Variants in STMN4 observed in about 807,000 individuals in gnomAD.
STMN4 encodes stathmin-4.
STMN4 carries 12 observed loss-of-function variants against 29.1 expected under a neutral mutation model. That is an observed-to-expected ratio of 0.41 (90% CI 0.26 to 0.67). The LOEUF is 0.67. Ranked by LOEUF, STMN4 falls within the 30% of genes least tolerant of loss-of-function variation. The pLI, the probability that STMN4 is intolerant of heterozygous loss-of-function variation, is 0.30. For synonymous variants in STMN4, 114 were observed against 105.3 expected, an observed-to-expected ratio of 1.08 and a Z score of -0.51; for missense variants, 181 against 262.8, an observed-to-expected ratio of 0.69 and a Z score of 2.15.
chr8:27,239,591 A>G lies in STMN4; in HGVS notation c.591+380T>C, dbSNP rs1801405522. The G allele has an allele frequency of 4.8e-6, 5 of 1,036,142 alleles. No homozygotes were observed. The Admixed American group carries it at 1.5e-4, about 31-fold the overall frequency. The allele number at this position is 1,036,142 out of a possible 1,614,324, so 64.2% of individuals were successfully genotyped here. On this transcript the variant is annotated intron_variant, in intron 6 of 6. Transcript: ENST00000350889. ...GTGACTTAGAGCCAAGAGCTCAAGA[A>G]AGCATCTTTCCTTCCATCAAATCAA...
At chr8:27,243,069 A>T (rs1801522065) in intron 2 of STMN4, among the ~76,000 whole-genome samples, 1 of 152,144 alleles carries the variant, frequency 6.6e-6, no homozygotes, top group South Asian at 2.1e-4. Context: ...GCTGGAGCAT[A>T]TCCCCGCCAC....
intron 2 of STMN4, 70 bp downstream of exon 2, chr8:27,243,641 C>T (rs1801540833): frequency 6.6e-7 from 1 of 1,520,768 alleles, no homozygotes; most frequent in Non-Finnish European, 9.1e-7. Context: ...TTCCCTGCTT[C>T]TGTGAGTCCA....
chr8:27,256,519 T>C (rs1238534826), intron 1 of STMN4, among the ~76,000 whole-genome samples: 1 of 152,210 alleles, frequency 6.6e-6, no homozygotes, highest in East Asian at 1.9e-4. Context: ...ACATTTTATA[T>C]TATGATCCAG....
intron 6 of STMN4, chr8:27,239,184 C>A (rs1801393980): frequency 2.7e-5 from 42 of 1,530,064 alleles, no homozygotes; most frequent in Non-Finnish European, 8.7e-7. Context: ...GCCTGAGACT[C>A]TAGGTGGATG....
chr8:27,242,358 C>G (rs751952262), intron 3 of STMN4, 39 bp downstream of exon 3: 2 of 1,603,046 alleles, frequency 1.2e-6, no homozygotes, highest in Admixed American at 1.7e-5. Flanking sequence ...GACACAGGGC[C>G]CCCCCGCCCC....
In STMN4 at chr8:27,239,384, C is replaced by T; in HGVS notation, c.591+587G>A. 2.3e-6 allele frequency: 3 copies of T among 1,308,480 alleles called. No homozygotes were observed. The Admixed American group carries it at 6.6e-5, about 29-fold the overall frequency. The allele number at this position is 1,308,480 out of a possible 1,614,324, so 81.1% of individuals were successfully genotyped here. ...GCCAGCGTGTTCTCAGCAGAACGGG[C>T]CGGTATTCTGCTGACACACAGAACC... On this transcript the variant is annotated intron_variant, in intron 6 of 6. Coordinates refer to ENST00000350889, the MANE Select transcript of STMN4 (RefSeq NM_030795.4).
intron 1 of STMN4, among the ~76,000 whole-genome samples, chr8:27,252,747 A>T (rs1801827862): frequency 6.6e-6 from 1 of 152,232 alleles, no homozygotes; most frequent in African/African-American, 2.4e-5. Flanking sequence ...ATCAAAGCCC[A>T]TGCAATTTCT....
At chr8:27,247,124 G>A (rs113959009) in intron 1 of STMN4, among the ~76,000 whole-genome samples, 4 of 152,020 alleles carry the variant, frequency 2.6e-5, no homozygotes, top group South Asian at 4.2e-4. Flanking sequence ...GCATGGTGGC[G>A]CATGCCTGTA....
At chr8:27,243,937 C>G (rs953949381) in intron 1 of STMN4, 136 bp from the exon 2 acceptor site, 6 of 751,610 alleles carry the variant, frequency 8.0e-6, no homozygotes, top group Non-Finnish European at 1.1e-5. Flanking sequence ...TCCCCACCAA[C>G]TCTCCCTGGG....
intron 1 of STMN4, among the ~76,000 whole-genome samples, chr8:27,256,763 G>T (rs1295672147): frequency 1.3e-5 from 2 of 152,088 alleles, no homozygotes; most frequent in African/African-American, 4.8e-5. Flanking sequence ...ATGTACTAAT[G>T]GGTCTCAGCC....
At chr8:27,245,364 G>A (rs1303700359) in intron 1 of STMN4, among the ~76,000 whole-genome samples, 3 of 152,336 alleles carry the variant, frequency 2.0e-5, no homozygotes, top group African/African-American at 4.8e-5. Flanking sequence ...GAGGCTCAGA[G>A]GGTTTATGTG....
intron 1 of STMN4, among the ~76,000 whole-genome samples, chr8:27,254,127 G>C (rs1159022489): frequency 6.6e-6 from 1 of 152,152 alleles, no homozygotes; most frequent in Non-Finnish European, 1.5e-5. Flanking sequence ...TTGATGGCAG[G>C]TGCAGATGCT....
Position 27,236,864 on chromosome 8 carries a change from C to T in STMN4, c.633G>A (p.Lys211=). ...CTAGGCTTTACCTGGAGGCCTCTTCCTTCAGCTCCTTGTTTTTCCGCACCT... is the reference window on the plus strand; with the variant it reads ...CTAGGCTTTACCTGGAGGCCTCTTCTTTCAGCTCCTTGTTTTTCCGCACCT... ...AEEVRKNKEL[K]EEASR is the part of the protein sequence containing the mutation. The change falls in exon 7 of 7, where the codon AAG becomes AAA. Residue 211 remains lysine, a synonymous_variant. Transcript: ENST00000350889. 1 of 1,607,878 alleles carries T rather than the reference C, an allele frequency of 6.2e-7. No homozygotes were observed. The highest frequency in any genetic ancestry group is 8.5e-7 in the Non-Finnish European group (1 of 1,177,570).
At chr8:27,257,861 G>A (rs559194620) in intron 1 of STMN4, among the ~76,000 whole-genome samples, 3 of 152,252 alleles carry the variant, frequency 2.0e-5, no homozygotes, top group East Asian at 1.9e-4. Flanking sequence ...TTAGAACCAA[G>A]AGAAAAAAGT....
chr8:27,243,367 C>G (rs186784085), intron 2 of STMN4, among the ~76,000 whole-genome samples: 1 of 152,300 alleles, frequency 6.6e-6, no homozygotes, highest in East Asian at 1.9e-4. Context: ...GCCACTATAC[C>G]TGGCTTCCTT....
intron 1 of STMN4, among the ~76,000 whole-genome samples, chr8:27,257,459 A>AACACAC (rs59516183): frequency 0.036 from 5,006 of 137,704 alleles, 144 homozygotes; most frequent in East Asian, 0.064. Context: ...CCCCCATACA[A>AACACAC]ACACACACAC....
chr8:27,248,171 C>A lies in STMN4; in HGVS notation c.-78-4370G>T, dbSNP rs141600379. Among the ~76,000 whole-genome samples the A allele has an allele frequency of 5.0e-3, 768 of 152,316 alleles. 7 individuals are homozygous for A. Among genetic ancestry groups the A allele is most frequent in the African/African-American group, 0.018 (737 of 41,570 alleles). Reference sequence around the variant, plus strand: ...AAGGCCTCCCTGGGCAGCTGAGCCCCTGTGCTGGCAGGGATTGATCCAGTG... The same window carrying A: ...AAGGCCTCCCTGGGCAGCTGAGCCCATGTGCTGGCAGGGATTGATCCAGTG... On this transcript the variant is annotated intron_variant, in intron 1 of 6. Coordinates refer to ENST00000350889, the MANE Select transcript of STMN4 (RefSeq NM_030795.4).
At chr8:27,242,593 G>A in intron 2 of STMN4, 101 bp from the exon 3 acceptor site, 1 of 1,234,478 alleles carries the variant, frequency 8.1e-7, no homozygotes, top group Non-Finnish European at 1.2e-6. Flanking sequence ...GTTCCATAAA[G>A]GCACTCAAAC....
intron 6 of STMN4, 92 bp downstream of exon 6, chr8:27,239,879 C>T (rs1188510986): frequency 6.2e-7 from 1 of 1,600,410 alleles, no homozygotes; most frequent in African/African-American, 1.3e-5. Flanking sequence ...AGGCTGCTTC[C>T]TCCCTGAGAT....
Sources: allele counts gnomAD v4.1 joint callset (sites outside exome capture counted in the v4.1 genomes callset), GRCh38; gene constraint gnomAD v4.1.1; transcripts MANE v1.5; gene names NCBI Gene and HGNC (gene_info 2026-07-23, HGNC 2026-07-21).